Variants in GREB1L observed in about 807,000 individuals in gnomAD.
The protein encoded by GREB1L is GREB1 like retinoic acid receptor coactivator.
GREB1L carries 17 observed loss-of-function variants against 200.8 expected under a neutral mutation model. The observed-to-expected ratio is 0.08, with a 90% CI of 0.06 to 0.13. The LOEUF (loss-of-function observed/expected upper bound fraction) is 0.13, where lower values mean the gene tolerates loss of function less well. Ranked by LOEUF, GREB1L falls within the 10% of genes least tolerant of loss-of-function variation. The probability of loss-of-function intolerance (pLI) is 1.00; values close to 1 mark genes in which losing one functional copy is unlikely to be tolerated. For synonymous variants in GREB1L, 789 were observed against 893.0 expected (o/e 0.88, Z 2.08); for missense variants, 1,657 against 2,367.7 (o/e 0.70, Z 6.23).
chr18:21,390,682 G>A (rs112155052), intron 4 of GREB1L, among the ~76,000 whole-genome samples: 256 of 152,024 alleles, frequency 1.7e-3, no homozygotes, highest in African/African-American at 5.8e-3. Context: ...GACTACAGGC[G>A]CCCACCACCA....
intron 7 of GREB1L, among the ~76,000 whole-genome samples, chr18:21,415,622 C>T (rs1464045060): frequency 2.0e-5 from 3 of 151,880 alleles, no homozygotes; most frequent in East Asian, 1.9e-4. Flanking sequence ...GAAGAACCAC[C>T]CAAAAGGGTT....
At chr18:21,420,387 A>G (rs1284865334) in intron 7 of GREB1L, among the ~76,000 whole-genome samples, 1 of 151,898 alleles carries the variant, frequency 6.6e-6, no homozygotes, top group Admixed American at 6.6e-5. Flanking sequence ...AAAAAAAAAA[A>G]GAAAAGAAAA....
At chr18:21,519,149 T>C (rs1301007884) in intron 31 of GREB1L, among the ~76,000 whole-genome samples, 4 of 152,282 alleles carry the variant, frequency 2.6e-5, no homozygotes, top group Non-Finnish European at 5.9e-5. Context: ...ATTTTAGAAG[T>C]AGAAGGAACC....
At chr18:21,510,781 T>C (rs985139669) in intron 27 of GREB1L, among the ~76,000 whole-genome samples, 2 of 152,230 alleles carry the variant, frequency 1.3e-5, no homozygotes, top group African/African-American at 4.8e-5. Context: ...CCATAGTGGC[T>C]TGCACCATTT....
intron 7 of GREB1L, among the ~76,000 whole-genome samples, chr18:21,420,656 G>A (rs572073004): frequency 6.6e-6 from 1 of 152,208 alleles, no homozygotes; most frequent in Non-Finnish European, 1.5e-5. Flanking sequence ...TGGTGAGGAT[G>A]TAGAGGTGGT....
In GREB1L at chr18:21,490,386, C is replaced by G. The variant is rs574670412; in HGVS notation, c.3030+35C>G. On this transcript the variant is annotated intron_variant, in intron 19 of 32. Coordinates refer to ENST00000424526, the MANE Select transcript of GREB1L (RefSeq NM_001142966.3). ...GGACAGACATTTCTCCTTTAAAATA[C>G]CATTTGTTTCTCTTTTCTAGGAATC... 80 of 1,506,366 alleles carry G rather than the reference C, an allele frequency of 5.3e-5. No individual in the cohort carries two copies. The African/African-American group carries it at 1.0e-3, about 19-fold the overall frequency. The allele number at this position is 1,506,366 out of a possible 1,614,324, so 93.3% of individuals were successfully genotyped here.
chr18:21,413,294 T>C (rs1415254895), intron 7 of GREB1L, among the ~76,000 whole-genome samples: 2 of 152,170 alleles, frequency 1.3e-5, no homozygotes, highest in East Asian at 3.9e-4. Flanking sequence ...ATGATGGCTG[T>C]TTAAGAAGCA....
In GREB1L at chr18:21,405,423, A is replaced by G. The variant is rs76791742; in HGVS notation, c.832+1429A>G. On this transcript the variant is annotated intron_variant, in intron 7 of 32. Transcript: ENST00000424526. ...ATTTACTTCATTACAACAAAAACGT[A>G]TCAAGTGTTTATTTCGTTTTAAGAA... 3.9e-4 allele frequency among the ~76,000 whole-genome samples: 59 copies of G among 152,368 alleles called. 1 individual carries two copies. In the East Asian group the frequency reaches 0.011, roughly 28 times the overall value.
intron 4 of GREB1L, among the ~76,000 whole-genome samples, chr18:21,395,125 A>G (rs1181461082): frequency 1.3e-5 from 2 of 149,958 alleles, no homozygotes; most frequent in East Asian, 2.0e-4. Flanking sequence ...AAAAAAAAGA[A>G]AAAAAAAAGA....
chr18:21,506,433 A>G (rs1285250900), intron 25 of GREB1L, among the ~76,000 whole-genome samples: 3 of 152,090 alleles, frequency 2.0e-5, no homozygotes, highest in African/African-American at 7.2e-5. Flanking sequence ...CCATAATTAA[A>G]TGAATGTTGG....
intron 11 of GREB1L, among the ~76,000 whole-genome samples, chr18:21,445,401 G>A (rs1276907072): frequency 6.6e-6 from 1 of 152,130 alleles, no homozygotes; most frequent in African/African-American, 2.4e-5. Context: ...TTGAACCCGG[G>A]AGGCGGAGGT....
chr18:21,268,556 CACACATATATATATATATATAT>C (rs1317338247), intron 1 of GREB1L, among the ~76,000 whole-genome samples: 25 of 95,740 alleles, frequency 2.6e-4, no homozygotes, highest in African/African-American at 1.2e-3. Context: ...CACACACACA[CACACATATATATATATATATAT>C]ATATATATAT....
rs555400250 is a variant in GREB1L at position 21,404,085 on chromosome 18, T to C, written c.832+91T>C. ...TATACTTACTGCTGGCTGGTTTGAA[T>C]AGAGATATTTCAAAATAAAGGTATT... is the stretch of plus-strand genomic sequence containing the variant. On this transcript the variant is annotated intron_variant, in intron 7 of 32. Coordinates refer to ENST00000424526, the MANE Select transcript of GREB1L (RefSeq NM_001142966.3). The C allele has an allele frequency of 2.6e-6, 3 of 1,133,178 alleles. No individual in the cohort carries two copies. The South Asian group carries it at 4.4e-5, about 17-fold the overall frequency. The allele number at this position is 1,133,178 out of a possible 1,614,324, so 70.2% of individuals were successfully genotyped here.
rs1410695447 is a variant in GREB1L at position 21,383,638 on chromosome 18, A to G, written c.120A>G (p.Leu40=). ...SVVPRPIFSQ[L]YLDPDQHPFS... ...TACCACGGCCAATTTTTTCCCAGCT[A>G]TACCTGGACCCTGACCAGCATCCTT... The change falls in exon 3 of 33, where the codon CTA becomes CTG. Residue 40 remains leucine (L), a synonymous_variant. Coordinates refer to ENST00000424526, the MANE Select transcript of GREB1L (RefSeq NM_001142966.3). The G allele has an allele frequency of 3.9e-6, 6 of 1,551,488 alleles. No individual in the cohort carries two copies. The highest frequency in any genetic ancestry group is 2.4e-5 in the East Asian group (1 of 40,888).
At chr18:21,379,168 T>G (rs1441256312) in intron 2 of GREB1L, among the ~76,000 whole-genome samples, 2 of 152,222 alleles carry the variant, frequency 1.3e-5, no homozygotes, top group Non-Finnish European at 2.9e-5. Flanking sequence ...TTTTTAAAAA[T>G]TAAACTAAAA....
chr18:21,309,179 G>A (rs1299432630), intron 1 of GREB1L, among the ~76,000 whole-genome samples: 1 of 152,146 alleles, frequency 6.6e-6, no homozygotes, highest in Non-Finnish European at 1.5e-5. Context: ...TTCACTATAG[G>A]GCAACTCTTA....
At chr18:21,484,494 A>G (rs1328127222) in intron 17 of GREB1L, among the ~76,000 whole-genome samples, 4 of 152,156 alleles carry the variant, frequency 2.6e-5, no homozygotes, top group Non-Finnish European at 5.9e-5. Context: ...GTTGGAGAGC[A>G]CTTAAATAAA....
chr18:21,396,834 A>T (rs1351933718), intron 5 of GREB1L, among the ~76,000 whole-genome samples: 1 of 152,234 alleles, frequency 6.6e-6, no homozygotes, highest in Non-Finnish European at 1.5e-5. Flanking sequence ...TTAAATAATT[A>T]AAAAGATAAG....
At chr18:21,465,056 C>G (rs1279078674) in intron 15 of GREB1L, among the ~76,000 whole-genome samples, 1 of 152,042 alleles carries the variant, frequency 6.6e-6, no homozygotes, top group Non-Finnish European at 1.5e-5. Flanking sequence ...ATGGCTAAAT[C>G]AAACTAATGA....
Sources: allele counts gnomAD v4.1 joint callset (sites outside exome capture counted in the v4.1 genomes callset), GRCh38; gene constraint gnomAD v4.1.1; transcripts MANE v1.5; gene names NCBI Gene and HGNC (gene_info 2026-07-23, HGNC 2026-07-21).